The following ZNF782 variants were observed in gnomAD, a reference collection of about 807,000 sequenced individuals.
ZNF782 encodes zinc finger protein 782.
Under a neutral mutation model 13.0 loss-of-function variants are expected in ZNF782, and 12 were observed. The observed-to-expected ratio is 0.92, with a 90% CI of 0.59 to 1.50. The LOEUF is 1.50. ZNF782 is among the 40% of genes most tolerant of loss of function. The pLI, the probability that ZNF782 is intolerant of heterozygous loss-of-function variation, is 0.00. For synonymous variants in ZNF782, 284 were observed against 283.0 expected, an observed-to-expected ratio of 1.00 and a Z score of -0.04; for missense variants, 770 against 822.9, an observed-to-expected ratio of 0.94 and a Z score of 0.79.
chr9:96,910,548 G>GAC, the ZNF782 span: 1 of 115,468 alleles, frequency 8.7e-6, no homozygotes, highest in Non-Finnish European at 1.8e-5. Flanking sequence ...ACCCACAGAT[G>GAC]ACACACACTC....
chr9:96,904,049 T>C, the ZNF782 span, among the ~76,000 whole-genome samples: 32 of 150,394 alleles, frequency 2.1e-4, no homozygotes, highest in Admixed American at 1.9e-3. Flanking sequence ...GTCAGGTCAG[T>C]TTTTCTATTT....
the ZNF782 span, among the ~76,000 whole-genome samples, chr9:96,919,586 CAG>C: frequency 9.3e-6 from 1 of 107,474 alleles, no homozygotes; most frequent in Non-Finnish European, 1.8e-5. Context: ...TTTTTTGAGA[CAG>C]AGTCTTGCTC....
At chr9:96,851,814 T>G in intron 3 of ZNF782, 133 bp downstream of exon 3, 1 of 916,266 alleles carries the variant, frequency 1.1e-6, no homozygotes, top group East Asian at 2.6e-5. Flanking sequence ...GACAGCAGAG[T>G]TCATGGTGAA....
chr9:96,885,615 A>T, the ZNF782 span, among the ~76,000 whole-genome samples: 1 of 152,210 alleles, frequency 6.6e-6, no homozygotes, highest in Non-Finnish European at 1.5e-5. Flanking sequence ...GGGAAAAGAC[A>T]TAAATCTACA....
rs554271755 is a variant in ZNF782, at chr9:96,874,176, G to A, written c.-457+1292C>T. Among the ~76,000 whole-genome samples, 16 of 152,252 alleles carry A rather than the reference G, an allele frequency of 1.1e-4. 1 individual carries two copies. The South Asian group carries it at 1.9e-3, about 18-fold the overall frequency. ...AACATGGATGACCTGGACCTGTGACGGACTAAATGGCACTGTGTTTGACTC... is the reference window on the plus strand; with the variant it reads ...AACATGGATGACCTGGACCTGTGACAGACTAAATGGCACTGTGTTTGACTC... On this transcript the variant is annotated intron_variant, in intron 1 of 5. Coordinates refer to the ZNF782 transcript ENST00000498811.
intron 5 of ZNF782, among the ~76,000 whole-genome samples, chr9:96,825,643 T>A (rs1413119557): frequency 6.6e-6 from 1 of 152,042 alleles, no homozygotes; most frequent in Non-Finnish European, 1.5e-5. Flanking sequence ...GAGAAAATTT[T>A]CGCAACCTAC....
At chr9:96,859,601 G>T (rs1851681467) in intron 3 of ZNF782, among the ~76,000 whole-genome samples, 1 of 152,154 alleles carries the variant, frequency 6.6e-6, no homozygotes, top group African/African-American at 2.4e-5. Context: ...CTTGGGCCTT[G>T]AATAATCAGC....
upstream of ZNF782, among the ~76,000 whole-genome samples, chr9:96,877,158 T>C (rs1286110766): frequency 6.6e-6 from 1 of 152,072 alleles, no homozygotes; most frequent in African/African-American, 2.4e-5. Context: ...ATGTATCTGC[T>C]CAATATTATT....
the ZNF782 span, chr9:96,894,702 TA>T: frequency 6.6e-6 from 1 of 152,194 alleles, no homozygotes; most frequent in South Asian, 2.1e-4. Flanking sequence ...GAAAAATCTT[TA>T]ACAAGAGGAC....
chr9:96,926,974 GCT>G, the ZNF782 span, among the ~76,000 whole-genome samples: 2 of 152,252 alleles, frequency 1.3e-5, no homozygotes, highest in East Asian at 1.9e-4. Flanking sequence ...TTCTTGCTGT[GCT>G]CTGAGTACTC....
At chr9:96,911,521 G>GTTTTTTTTTTTTTT in the ZNF782 span, among the ~76,000 whole-genome samples, 4 of 109,614 alleles carry the variant, frequency 3.6e-5, no homozygotes, top group East Asian at 3.2e-4. Flanking sequence ...TTTTTGTTTT[G>GTTTTTTTTTTTTTT]TTTTGTTTTT....
chr9:96,930,872 G>GTGTTTTTTTTTTTT, the ZNF782 span, among the ~76,000 whole-genome samples: 1 of 72,726 alleles, frequency 1.4e-5, no homozygotes, highest in African/African-American at 5.7e-5. Context: ...CCATCCAGTG[G>GTGTTTTTTTTTTTT]TTTTTTTTTT....
chr9:96,853,379 C>T (rs1406381789), intron 1 of ZNF782, among the ~76,000 whole-genome samples: 1 of 152,056 alleles, frequency 6.6e-6, no homozygotes, highest in Admixed American at 6.5e-5. Flanking sequence ...CTCTGAAGCT[C>T]GGGAGGGAGG....
chr9:96,901,959 A>AT, the ZNF782 span, among the ~76,000 whole-genome samples: 1 of 150,834 alleles, frequency 6.6e-6, no homozygotes, highest in Non-Finnish European at 1.5e-5. Flanking sequence ...ATGTTAAATG[A>AT]TTTTTTTCTA....
upstream of ZNF782, among the ~76,000 whole-genome samples, chr9:96,877,821 G>A (rs184229072): frequency 5.0e-3 from 761 of 152,220 alleles, 8 homozygotes; most frequent in African/African-American, 0.018. Context: ...TTTTTGGGGG[G>A]AAGGACAAAA....
chr9:96,913,256 A>G, the ZNF782 span, among the ~76,000 whole-genome samples: 1 of 151,802 alleles, frequency 6.6e-6, no homozygotes, highest in African/African-American at 2.4e-5. Context: ...CGGAGGTTGC[A>G]GTGAGCCGAG....
chr9:96,828,580 A>T (rs1330897866), intron 4 of ZNF782, among the ~76,000 whole-genome samples: 1 of 152,196 alleles, frequency 6.6e-6, no homozygotes, highest in African/African-American at 2.4e-5. Flanking sequence ...CTGTAATCCC[A>T]GTTTTTTGGG....
At chr9:96,919,678 C>G in the ZNF782 span, among the ~76,000 whole-genome samples, 1 of 148,786 alleles carries the variant, frequency 6.7e-6, no homozygotes, top group Non-Finnish European at 1.5e-5. Context: ...ATTCTCCTGC[C>G]TCAGCCTCCT....
chr9:96,879,507 A>C (rs1460757962), upstream of ZNF782, among the ~76,000 whole-genome samples: 1 of 152,190 alleles, frequency 6.6e-6, no homozygotes, highest in Non-Finnish European at 1.5e-5. Flanking sequence ...CGTCTCAAAA[A>C]CAAACAAAAA....
Sources: gnomAD v4.1 joint callset for allele counts (sites outside exome capture counted in the v4.1 genomes callset) on GRCh38, gnomAD v4.1.1 for gene constraint, MANE v1.5 for transcripts, NCBI Gene and HGNC (gene_info 2026-07-23, HGNC 2026-07-21) for gene names.